OTUD7A: variants seen among roughly 807,000 people sequenced by gnomAD.
OTUD7A encodes the protein OTU deubiquitinase 7A.
Under a neutral mutation model 65.7 loss-of-function variants are expected in OTUD7A, and 12 were observed. The ratio of observed to expected loss-of-function variants is 0.18; its 90% CI spans 0.12 to 0.30. The LOEUF is 0.30. Ranked by LOEUF, OTUD7A falls within the 10% of genes least tolerant of loss-of-function variation. The probability of loss-of-function intolerance (pLI) is 1.00; values close to 1 mark genes in which losing one functional copy is unlikely to be tolerated. For missense variants in OTUD7A, 1,148 were observed against 1,304.8 expected (o/e 0.88, Z 1.85); for synonymous variants, 641 against 586.3 (o/e 1.09, Z -1.35).
intron 1 of OTUD7A, among the ~76,000 whole-genome samples, chr15:31,717,793 C>A (rs1893631299): frequency 1.3e-5 from 2 of 152,164 alleles, no homozygotes; most frequent in Non-Finnish European, 2.9e-5. Context: ...ATTTCTAGTT[C>A]TAGATCCTTG....
chr15:31,592,300 A>G (rs1251609777), intron 3 of OTUD7A, among the ~76,000 whole-genome samples: 4 of 152,190 alleles, frequency 2.6e-5, no homozygotes, highest in Non-Finnish European at 5.9e-5. Context: ...TGTTACTAAC[A>G]CTTAGACTAA....
At chr15:31,727,713 T>G (rs1771309244) in intron 1 of OTUD7A, among the ~76,000 whole-genome samples, 1 of 152,202 alleles carries the variant, frequency 6.6e-6, no homozygotes, top group Non-Finnish European at 1.5e-5. Context: ...ATACTGTGGG[T>G]GTTTCATTCC....
intron 3 of OTUD7A, among the ~76,000 whole-genome samples, chr15:31,588,081 C>A (rs1317203643): frequency 6.6e-6 from 1 of 152,094 alleles, no homozygotes; most frequent in Non-Finnish European, 1.5e-5. Context: ...ACTAAAGATG[C>A]ATACAGCAGC....
intron 1 of OTUD7A, among the ~76,000 whole-genome samples, chr15:31,684,369 T>G (rs1892788063): frequency 6.6e-6 from 1 of 152,142 alleles, no homozygotes; most frequent in African/African-American, 2.4e-5. Flanking sequence ...TCATGGATGC[T>G]GCATCAGTTA....
intron 1 of OTUD7A, among the ~76,000 whole-genome samples, chr15:31,797,043 A>G (rs1895981483): frequency 6.6e-6 from 1 of 152,100 alleles, no homozygotes; most frequent in Admixed American, 6.5e-5. Context: ...CTCAAACATT[A>G]CTCTTGCACT....
Position 31,677,819 on chromosome 15 carries a change from G to C in OTUD7A, c.-99-20742C>G, listed in dbSNP as rs537861261. Among the ~76,000 whole-genome samples, 56 of 152,322 alleles carry C rather than the reference G, an allele frequency of 3.7e-4. 1 individual carries two copies. In the South Asian group the frequency reaches 9.5e-3, roughly 26 times the overall value. ...TTGGTATCACAGAGAGTGGGGTGCT[G>C]CTATAAAGATACCCAAGAATGTGGA... On this transcript the variant is annotated intron_variant, in intron 1 of 12. Transcript: ENST00000307050.
intron 1 of OTUD7A, among the ~76,000 whole-genome samples, chr15:31,807,025 C>T (rs1402777517): frequency 1.3e-5 from 2 of 152,232 alleles, no homozygotes; most frequent in East Asian, 3.8e-4. Context: ...TACCACTCTT[C>T]CCTCTCCCAT....
At chr15:31,865,410 G>T (rs749189818) in intron 1 of OTUD7A, among the ~76,000 whole-genome samples, 1 of 152,180 alleles carries the variant, frequency 6.6e-6, no homozygotes. Flanking sequence ...ATGATGTAAG[G>T]TGATCTGGGG....
At chr15:31,813,089 C>T (rs952212886) in intron 1 of OTUD7A, among the ~76,000 whole-genome samples, 3 of 152,210 alleles carry the variant, frequency 2.0e-5, no homozygotes, top group Non-Finnish European at 2.9e-5. Flanking sequence ...AGCTGTCAAA[C>T]GCCGGGGAGC....
At chr15:31,625,557 T>C (rs1312513123) in intron 3 of OTUD7A, among the ~76,000 whole-genome samples, 5 of 152,144 alleles carry the variant, frequency 3.3e-5, no homozygotes, top group Non-Finnish European at 7.4e-5. Flanking sequence ...TAAAACAATA[T>C]GAACACAATT....
chr15:31,517,463 T>C (rs2041874967), intron 8 of OTUD7A, among the ~76,000 whole-genome samples: 1 of 152,212 alleles, frequency 6.6e-6, no homozygotes, highest in Non-Finnish European at 1.5e-5. Flanking sequence ...AGATCTGGGA[T>C]TGTGGGGAGA....
rs531313199 is a variant in OTUD7A, at chr15:31,663,246, A to AACACACACACACACAC, written c.-99-6185_-99-6170dup. On this transcript the variant is annotated intron_variant, in intron 1 of 12. Coordinates refer to ENST00000307050, the MANE Select transcript of OTUD7A (RefSeq NM_001382637.1). ...ATGCTGGGTGTGGGGTCTTGGGCTA[A>AACACACACACACACAC]ACACACACACACACACACACACACA... is the stretch of plus-strand genomic sequence containing the variant. 1.8e-3 allele frequency among the ~76,000 whole-genome samples: 255 copies of AACACACACACACACAC among 140,636 alleles called. 4 individuals are homozygous for AACACACACACACACAC. Among genetic ancestry groups the AACACACACACACACAC allele is most frequent in the African/African-American group, 4.4e-3 (165 of 37,380 alleles). 92.3% of individuals were successfully genotyped at this position (140,636 alleles called of 152,430 possible).
intron 1 of OTUD7A, among the ~76,000 whole-genome samples, chr15:31,853,511 C>T (rs937931894): frequency 6.6e-6 from 1 of 152,238 alleles, no homozygotes; most frequent in South Asian, 2.1e-4. Flanking sequence ...ACCTCCTGAA[C>T]CTGGGGAGGC....
In OTUD7A at chr15:31,477,016, T is replaced by G. The variant is rs959442587; in HGVS notation, c.*6278A>C. 1 of 152,356 alleles carries G rather than the reference T, an allele frequency of 6.6e-6. No homozygotes were observed. The highest frequency in any genetic ancestry group is 6.5e-5 in the Admixed American group (1 of 15,288). 9.4% of individuals were successfully genotyped at this position (152,356 alleles called of 1,614,324 possible). ...CTGGGCCCAAGGAGGTGTGTGTTGC[T>G]TGGCTCTGTGGTGTCAAGGCCCTGA... On this transcript the variant is annotated 3_prime_UTR_variant, in exon 13 of 13. Coordinates refer to ENST00000307050, the MANE Select transcript of OTUD7A (RefSeq NM_001382637.1).
chr15:31,804,619 C>T (rs1375142314), intron 1 of OTUD7A, among the ~76,000 whole-genome samples: 1 of 152,130 alleles, frequency 6.6e-6, no homozygotes, highest in Non-Finnish European at 1.5e-5. Flanking sequence ...CTTCAGAAAC[C>T]GACACCTCTC....
At chr15:31,693,499 C>T (rs1232982638) in intron 1 of OTUD7A, among the ~76,000 whole-genome samples, 2 of 152,044 alleles carry the variant, frequency 1.3e-5, no homozygotes, top group South Asian at 2.1e-4. Flanking sequence ...GTTTCTAAAA[C>T]AAAACAGGCA....
At chr15:31,723,409 C>T (rs1893801602) in intron 1 of OTUD7A, among the ~76,000 whole-genome samples, 1 of 131,326 alleles carries the variant, frequency 7.6e-6, no homozygotes, top group Non-Finnish European at 1.7e-5. Flanking sequence ...CCCCCCCCCG[C>T]CCCCCGTTTG....
intron 1 of OTUD7A, among the ~76,000 whole-genome samples, chr15:31,690,108 C>T (rs1892929207): frequency 1.3e-5 from 2 of 152,080 alleles, no homozygotes; most frequent in Non-Finnish European, 2.9e-5. Context: ...AGGATAAGGT[C>T]CCTAGTTCAA....
chr15:31,815,934 G>A (rs1048800043), intron 1 of OTUD7A, among the ~76,000 whole-genome samples: 2 of 152,214 alleles, frequency 1.3e-5, no homozygotes, highest in African/African-American at 4.8e-5. Flanking sequence ...GTTCCCAGCC[G>A]GCACAGCAGG....
Sources: allele counts gnomAD v4.1 joint callset (sites outside exome capture counted in the v4.1 genomes callset), GRCh38; gene constraint gnomAD v4.1.1; transcripts MANE v1.5; gene names NCBI Gene and HGNC (gene_info 2026-07-23, HGNC 2026-07-21).